Variants in BORCS8 observed in about 807,000 individuals in gnomAD.
BORCS8 encodes the protein BLOC-1-related complex subunit 8.
Under a neutral mutation model 18.7 loss-of-function variants are expected in BORCS8, and 13 were observed. That is an observed-to-expected ratio of 0.70 (90% CI 0.45 to 1.11). The LOEUF is 1.11. Among genes scored for constraint, BORCS8 ranks in the 50% least tolerant of loss-of-function variants. The pLI, the probability that BORCS8 is intolerant of heterozygous loss-of-function variation, is 0.00. For synonymous variants in BORCS8, 68 were observed against 64.8 expected, an observed-to-expected ratio of 1.05 and a Z score of -0.24; for missense variants, 165 against 165.7, an observed-to-expected ratio of 1.00 and a Z score of 0.02.
At chr19:19,179,421 G>C (rs2060329530) in intron 5 of BORCS8, 1 of 152,668 alleles carries the variant, frequency 6.6e-6, no homozygotes, top group Non-Finnish European at 1.5e-5. Flanking sequence ...TGCTGCCTGT[G>C]GTGTCCAGTA....
rs376588491 is a variant in BORCS8 at position 19,188,718 on chromosome 19, G to A, written c.38-1713C>T. 4.2e-3 allele frequency among the ~76,000 whole-genome samples: 640 copies of A among 152,224 alleles called. 3 individuals carry two copies. The highest frequency in any genetic ancestry group is 3.6e-3 in the Non-Finnish European group (248 of 68,008). Reference sequence around the variant, plus strand: ...TAACATCCCCCTGGGCTCCTGTGCAGGCCCAGGATGAGGCCTCCCTCTGCA... The same window carrying A: ...TAACATCCCCCTGGGCTCCTGTGCAAGCCCAGGATGAGGCCTCCCTCTGCA... On this transcript the variant is annotated intron_variant, in intron 1 of 5. Coordinates refer to ENST00000462790, the MANE Select transcript of BORCS8 (RefSeq NM_001145784.2).
chr19:19,192,075 C>CA lies in BORCS8; in HGVS notation c.37+5dup, dbSNP rs1387232838. ...CCCCTCTGTCCCGCCCGCAGGCCCG[C>CA]ACCACCTTTCTTCCCCTTGAGCTGC... On this transcript the variant is annotated splice_donor_region_variant and intron_variant, in intron 1 of 5. Transcript: ENST00000462790. 1.9e-5 allele frequency: 29 copies of CA among 1,551,254 alleles called. No homozygotes were observed. Among genetic ancestry groups the CA allele is most frequent in the Non-Finnish European group, 2.4e-5 (27 of 1,146,862 alleles).
At chr19:19,181,706 A>G (rs747987585) in intron 4 of BORCS8, among the ~76,000 whole-genome samples, 1 of 152,012 alleles carries the variant, frequency 6.6e-6, no homozygotes, top group Non-Finnish European at 1.5e-5. Flanking sequence ...AGATTGCTAC[A>G]CTCCCATTCT....
chr19:19,185,241 C>T (rs896052710), intron 3 of BORCS8, among the ~76,000 whole-genome samples: 15 of 152,214 alleles, frequency 9.9e-5, no homozygotes, highest in African/African-American at 3.6e-4. Context: ...AATAAAATGG[C>T]CCACAGCCCA....
At chr19:19,183,579 T>C (rs931326119) in intron 3 of BORCS8, among the ~76,000 whole-genome samples, 1 of 150,954 alleles carries the variant, frequency 6.6e-6, no homozygotes, top group Admixed American at 6.6e-5. Context: ...CTGAATATTT[T>C]TTTTCTTTCT....
chr19:19,186,075 C>T lies in BORCS8; in HGVS notation c.174G>A (p.Glu58=). 1 of 1,551,062 alleles carries T rather than the reference C, an allele frequency of 6.4e-7. No homozygotes were observed. Among genetic ancestry groups the T allele is most frequent in the Non-Finnish European group, 8.7e-7 (1 of 1,146,858 alleles). ...QHKADMQRWE[E]QSQGAIYTVE... is the part of the protein sequence containing the mutation. ...CAGTGTAGATGGCTCCCTGGCTCTG[C>T]TCCTCCCAACGCTGCATGTCTGCCT... The change falls in exon 3 of 6, where the codon GAG becomes GAA. Residue 58 remains glutamate, a synonymous_variant. Coordinates refer to ENST00000462790, the MANE Select transcript of BORCS8 (RefSeq NM_001145784.2).
At chr19:19,183,202 G>A (rs71332145) in intron 3 of BORCS8, among the ~76,000 whole-genome samples, 74,885 of 151,742 alleles carry the variant, frequency 0.49, 18,706 homozygotes, top group East Asian at 0.57. Context: ...AGGTCGGGAG[G>A]TCAAGACCAT....
intron 2 of BORCS8, 66 bp from the exon 3 acceptor site, chr19:19,186,164 C>T (rs1342404557): frequency 6.8e-7 from 1 of 1,478,542 alleles, no homozygotes; most frequent in Non-Finnish European, 9.2e-7. Context: ...TTCCTCCCAG[C>T]TCTCTTGGTT....
chr19:19,191,426 A>G (rs2060474711), intron 1 of BORCS8, among the ~76,000 whole-genome samples: 1 of 150,122 alleles, frequency 6.7e-6, no homozygotes, highest in South Asian at 2.1e-4. Flanking sequence ...AGAGAGATCG[A>G]GGCTACAGTG....
Position 19,182,074 on chromosome 19 carries a change from T to TC in BORCS8, c.326+498dup. ...CCCCTGCCATCTCCCTGGCCCCATC[T>TC]CCCCCAGCTGGCCGGCTCCAGCCAC... is the stretch of plus-strand genomic sequence containing the variant. On this transcript the variant is annotated intron_variant, in intron 4 of 5. Transcript: ENST00000462790. The surrounding 1 kb of genome is among the most constrained non-coding windows in gnomAD (Gnocchi z 4.1). 2 of 982,930 alleles carry TC rather than the reference T, an allele frequency of 2.0e-6. No homozygotes were observed. The highest frequency in any genetic ancestry group is 2.4e-6 in the Non-Finnish European group (2 of 828,250). 60.9% of individuals were successfully genotyped at this position (982,930 alleles called of 1,614,324 possible). A position where few individuals can be genotyped will look rare whatever the true frequency, so the allele number is the denominator to read the frequency against.
At chr19:19,178,655 A>T (rs913513067) in intron 5 of BORCS8, 4 of 152,244 alleles carry the variant, frequency 2.6e-5, no homozygotes, top group Non-Finnish European at 5.9e-5. Flanking sequence ...TTTTGGGGGA[A>T]AAGTGGGAAT....
intron 1 of BORCS8, 97 bp downstream of exon 1, chr19:19,191,970 GACGGCAGTTCAATC>G: frequency 1.5e-6 from 2 of 1,298,194 alleles, no homozygotes; most frequent in Non-Finnish European, 2.2e-6. Flanking sequence ...GCTGGGATTG[GACGGCAGTTCAATC>G]ACTGCTCCTC....
intron 4 of BORCS8, 97 bp from the exon 5 acceptor site, chr19:19,180,858 T>A: frequency 7.8e-7 from 1 of 1,285,568 alleles, no homozygotes; most frequent in Non-Finnish European, 1.1e-6. Context: ...TACTCTGGTC[T>A]CAAAGACCTC....
chr19:19,185,717 G>C (rs1456467976), intron 3 of BORCS8, among the ~76,000 whole-genome samples: 2 of 152,206 alleles, frequency 1.3e-5, no homozygotes, highest in Non-Finnish European at 2.9e-5. Flanking sequence ...AGCCATATCT[G>C]TGCTTTGGGC....
In BORCS8 at chr19:19,182,394, G is replaced by A. The variant is rs568040397; in HGVS notation, c.326+179C>T. On this transcript the variant is annotated intron_variant, in intron 4 of 5. Transcript: ENST00000462790. This position sits in a 1 kb window ranked among gnomAD's most constrained non-coding sequence, Gnocchi z 4.1. ...GGCACACAGCAGAGCGCAGGACCTCGGTATTAAGTGACTGAACTCAGGTTA... is the reference window on the plus strand; with the variant it reads ...GGCACACAGCAGAGCGCAGGACCTCAGTATTAAGTGACTGAACTCAGGTTA... 1.8e-5 allele frequency: 25 copies of A among 1,399,856 alleles called. No homozygotes were observed. Among genetic ancestry groups the A allele is most frequent in the Middle Eastern group, 2.7e-4 (1 of 3,718 alleles). The allele number at this position is 1,399,856 out of a possible 1,614,324, so 86.7% of individuals were successfully genotyped here. A position where few individuals can be genotyped will look rare whatever the true frequency, so the allele number is the denominator to read the frequency against.
rs1397428241 is a variant in BORCS8 at position 19,186,895 on chromosome 19, T to C, written c.148A>G (p.Lys50Glu). ...CCTCCCAGCAGGCCCCAGCTCACCT[T>C]GTGCTGGGCCAGCTCGGGGAGGGAG... The part of the protein sequence containing the change: ...RRSLPELAQH[K>E]ADMQRWEEQS... The change falls in exon 2 of 6, where the codon AAG (lysine) becomes GAG (glutamate). Residue 50 changes from lysine to glutamate, a missense_variant and splice_region_variant. Transcript: ENST00000462790. The C allele has an allele frequency of 1.3e-6, 2 of 1,545,198 alleles. No homozygotes were observed. The highest frequency in any genetic ancestry group is 1.7e-6 in the Non-Finnish European group (2 of 1,144,166).
intron 3 of BORCS8, among the ~76,000 whole-genome samples, chr19:19,183,458 C>CCA (rs2060371083): frequency 6.6e-6 from 1 of 152,010 alleles, no homozygotes; most frequent in Admixed American, 6.6e-5. Flanking sequence ...TGTTCGCTGG[C>CCA]CTCCCGCCTA....
intron 1 of BORCS8, among the ~76,000 whole-genome samples, chr19:19,188,857 C>G (rs1181496184): frequency 2.0e-5 from 3 of 151,930 alleles, no homozygotes; most frequent in African/African-American, 7.3e-5. Flanking sequence ...GTTTTTGAGA[C>G]AGAGTCTTGC....
chr19:19,182,650 G>A lies in BORCS8; in HGVS notation c.249C>T (p.Tyr83=). 6.4e-7 allele frequency: 1 copy of A among 1,551,230 alleles called. No individual in the cohort carries two copies. Residue 83 remains tyrosine (Y), a synonymous_variant, in exon 4 of 6, where the codon TAC becomes TAT. Transcript: ENST00000462790. This position sits in a 1 kb window ranked among gnomAD's most constrained non-coding sequence, Gnocchi z 4.1. ...TGAGCAGACCCTCCACGCTGCGGAA[G>A]TAGACGCTGCTGTCCACCAGGTTCT... The part of the protein sequence containing the change: ...AVKNLVDSSV[Y]FRSVEGLLKQ...
Sources: gnomAD v4.1 joint callset for allele counts (sites outside exome capture counted in the v4.1 genomes callset) on GRCh38, gnomAD v4.1.1 for gene constraint, Gnocchi (gnomAD v3.1) non-coding constraint, MANE v1.5 for transcripts, NCBI Gene and HGNC (gene_info 2026-07-23, HGNC 2026-07-21) for gene names.